PTRH1: variants seen among roughly 807,000 people sequenced by gnomAD.
PTRH1 encodes the protein peptidyl-tRNA hydrolase 1 homolog.
In PTRH1, 13 loss-of-function variants were observed where a neutral mutation model predicts 15.7. That is an observed-to-expected ratio of 0.83 (90% confidence interval 0.54 to 1.31). The LOEUF (loss-of-function observed/expected upper bound fraction) is 1.31. Ranked by LOEUF, PTRH1 falls within the 40% of genes most tolerant of loss-of-function variation. The pLI, the probability that PTRH1 is intolerant of heterozygous loss-of-function variation, is 0.00. For synonymous variants in PTRH1, 139 were observed against 136.7 expected, an observed-to-expected ratio of 1.02 and a Z score of -0.12; for missense variants, 319 against 296.2, an observed-to-expected ratio of 1.08 and a Z score of -0.56.
At position 127,715,529 on chromosome 9, in the gene PTRH1, C is replaced by T; in HGVS notation, c.96+15G>A. The T allele has an allele frequency of 1.2e-6, 2 of 1,613,346 alleles. No individual in the cohort carries two copies. Among genetic ancestry groups the T allele is most frequent in the Non-Finnish European group, 1.7e-6 (2 of 1,180,020 alleles). ...GGGACCGGGAGCCCCTACGTCGCCG[C>T]CCCACGCCACTCACCATCCACCGCT... On this transcript the variant is annotated intron_variant, in intron 1 of 4. Coordinates refer to ENST00000543175, the MANE Select transcript of PTRH1 (RefSeq NM_001002913.3). The surrounding 1 kb of genome is among the most constrained non-coding windows in gnomAD (Gnocchi z 5.8).
intron 1 of PTRH1, among the ~76,000 whole-genome samples, chr9:127,697,496 CA>C (rs528209480): frequency 3.3e-5 from 5 of 150,910 alleles, no homozygotes; most frequent in African/African-American, 1.2e-4. Context: ...CCCATCTCTA[CA>C]AAAAAAAACA....
At chr9:127,712,619 G>A (rs762156069), downstream of PTRH1, 17 of 1,605,784 alleles carry the variant, frequency 1.1e-5, no homozygotes, top group Admixed American at 3.4e-5. Context: ...GGAAAACTTC[G>A]TGGAAATGGG....
downstream of PTRH1, chr9:127,712,514 A>G (rs965603983): frequency 1.4e-6 from 2 of 1,477,122 alleles, no homozygotes; most frequent in Non-Finnish European, 1.8e-6. Flanking sequence ...AGATCCCTCC[A>G]AGGTCTTAAA....
chr9:127,695,829 C>T (rs1231343774), intron 1 of PTRH1: 1 of 152,226 alleles, frequency 6.6e-6, no homozygotes, highest in Admixed American at 6.5e-5. Flanking sequence ...TCATAAAAAG[C>T]ACCACATATT....
chr9:127,712,314 G>A (rs1328208438), downstream of PTRH1: 4 of 1,613,904 alleles, frequency 2.5e-6, no homozygotes, highest in South Asian at 3.3e-5. Context: ...GGCGGCTCTG[G>A]TCCAGGCCAC....
At chr9:127,707,296 C>A in intron 1 of PTRH1, 1 of 1,289,224 alleles carries the variant, frequency 7.8e-7, no homozygotes, top group Non-Finnish European at 1.1e-6. Flanking sequence ...TGTGTTCTGA[C>A]CTCCCCTGGG....
chr9:127,709,550 A>G, downstream of PTRH1: 1 of 1,614,166 alleles, frequency 6.2e-7, no homozygotes. This position sits in a 1 kb window ranked among gnomAD's most constrained non-coding sequence, Gnocchi z 4.7. Context: ...CAGGTGGATG[A>G]GATCACAGAC....
In PTRH1 at chr9:127,703,381, G is replaced by A. The variant is rs560501326; in HGVS notation, c.206-8240C>T. ...GAATCACTTGAATCCAGGAGGTGGA[G>A]GTTGCAGTGAGCTGAGATCATACCA... On this transcript the variant is annotated intron_variant, in intron 1 of 2. Coordinates refer to the PTRH1 transcript ENST00000335223. Among the ~76,000 whole-genome samples, 5 of 152,172 alleles carry A rather than the reference G, an allele frequency of 3.3e-5. No homozygotes were observed. In the East Asian group the frequency reaches 9.7e-4, roughly 30 times the overall value.
chr9:127,713,872 T>C lies in PTRH1; in HGVS notation c.*228A>G. On this transcript the variant is annotated 3_prime_UTR_variant, in exon 5 of 5. Transcript: ENST00000543175. ...GTTCTCTAAAAAGGCTTGAAAAGTT[T>C]AGTCTTCCTGAAGTTCCCCTACGTC... 3 of 1,613,986 alleles carry C rather than the reference T, an allele frequency of 1.9e-6. No individual in the cohort carries two copies. In the East Asian group the frequency reaches 6.7e-5, roughly 36 times the overall value.
chr9:127,711,138 G>T, downstream of PTRH1: 2 of 1,492,424 alleles, frequency 1.3e-6, no homozygotes, highest in Non-Finnish European at 9.0e-7. Context: ...GTGTTTAACA[G>T]CCCTAGGTGC....
chr9:127,715,442 G>C lies in PTRH1; in HGVS notation c.96+102C>G, dbSNP rs1213252822. On this transcript the variant is annotated intron_variant, in intron 1 of 4. Coordinates refer to ENST00000543175, the MANE Select transcript of PTRH1 (RefSeq NM_001002913.3). The surrounding 1 kb of genome is among the most constrained non-coding windows in gnomAD (Gnocchi z 5.8). ...GTCGAGCACTGAACTCACCAGTTAAGAAAACAGAGCAGCAATTTGGGGGCA... is the reference window on the plus strand; with the variant it reads ...GTCGAGCACTGAACTCACCAGTTAACAAAACAGAGCAGCAATTTGGGGGCA... The C allele has an allele frequency of 1.3e-6, 2 of 1,528,844 alleles. No individual in the cohort carries two copies. The highest frequency in any genetic ancestry group is 1.8e-6 in the Non-Finnish European group (2 of 1,118,148). The allele number at this position is 1,528,844 out of a possible 1,614,324, so 94.7% of individuals were successfully genotyped here. A position where few individuals can be genotyped will look rare whatever the true frequency, so the allele number is the denominator to read the frequency against.
intron 2 of PTRH1, among the ~76,000 whole-genome samples, chr9:127,694,545 A>T (rs1219904076): frequency 6.6e-6 from 1 of 152,026 alleles, no homozygotes; most frequent in Non-Finnish European, 1.5e-5. Context: ...CTCCTGTGTT[A>T]CCCAGAAGAG....
At chr9:127,714,939 T>TGGGGGGGG in intron 2 of PTRH1, 36 bp downstream of exon 2, 1 of 407,878 alleles carries the variant, frequency 2.5e-6, no homozygotes, top group Non-Finnish European at 4.5e-6. Context: ...CCCACCCCCT[T>TGGGGGGGG]GGCCCGCCCG....
chr9:127,712,653 C>T (rs73600054), downstream of PTRH1: 24 of 1,613,376 alleles, frequency 1.5e-5, no homozygotes, highest in East Asian at 1.1e-4. Flanking sequence ...ATTTCCTGGA[C>T]GAGGGTGGGT....
At position 127,714,059 on chromosome 9, in the gene PTRH1, G is replaced by A. The variant is rs529899427; in HGVS notation, c.*41C>T. On this transcript the variant is annotated 3_prime_UTR_variant, in exon 5 of 5. Transcript: ENST00000543175. ...GCAGCTCTGTGGCAGTGGCTGGGTTGGTGGGCACTACAGTCAGGCAGGCAG... is the reference window on the plus strand; with the variant it reads ...GCAGCTCTGTGGCAGTGGCTGGGTTAGTGGGCACTACAGTCAGGCAGGCAG... 1.3e-6 allele frequency: 2 copies of A among 1,599,940 alleles called. No individual in the cohort carries two copies. Among genetic ancestry groups the A allele is most frequent in the Admixed American group, 1.7e-5 (1 of 58,288 alleles).
chr9:127,712,615 C>T (rs1458183059), downstream of PTRH1: 8 of 1,603,450 alleles, frequency 5.0e-6, no homozygotes, highest in East Asian at 1.3e-4. Flanking sequence ...ACAGGGAAAA[C>T]TTCGTGGAAA....
chr9:127,698,641 C>CA (rs1842580139), intron 1 of PTRH1, among the ~76,000 whole-genome samples: 1 of 152,116 alleles, frequency 6.6e-6, no homozygotes, highest in African/African-American at 2.4e-5. Flanking sequence ...TGCACCACAG[C>CA]ACTCCAGCCT....
downstream of PTRH1, among the ~76,000 whole-genome samples, chr9:127,709,172 T>A (rs571924672): frequency 6.6e-6 from 1 of 152,210 alleles, no homozygotes; most frequent in African/African-American, 2.4e-5. This position sits in a 1 kb window ranked among gnomAD's most constrained non-coding sequence, Gnocchi z 4.7. Context: ...CTTGTAAACA[T>A]AACAAGGCCC....
At chr9:127,710,631 G>A (rs773275895), downstream of PTRH1, 33 of 1,586,172 alleles carry the variant, frequency 2.1e-5, no homozygotes, top group Admixed American at 7.2e-5. Context: ...GAGGAGTTCC[G>A]GCTGCAGAAA....
Sources: gnomAD v4.1 joint callset for allele counts (sites outside exome capture counted in the v4.1 genomes callset) on GRCh38, gnomAD v4.1.1 for gene constraint, Gnocchi (gnomAD v3.1) non-coding constraint, MANE v1.5 for transcripts, NCBI Gene and HGNC (gene_info 2026-07-23, HGNC 2026-07-21) for gene names.